PLXNB1: variants seen among roughly 807,000 people sequenced by gnomAD.
PLXNB1 encodes the protein plexin-B1.
Under a neutral mutation model 209.4 loss-of-function variants are expected in PLXNB1, and 106 were observed. The observed-to-expected ratio is 0.51, with a 90% CI of 0.43 to 0.59. The LOEUF is 0.59. Among genes scored for constraint, PLXNB1 ranks in the 20% least tolerant of loss-of-function variants. PLXNB1 has a pLI of 0.00. For missense variants in PLXNB1, 2,357 were observed against 2,853.2 expected (o/e 0.83, Z 3.96); for synonymous variants, 1,167 against 1,183.2 (o/e 0.99, Z 0.28).
At chr3:48,408,624 C>T (rs182062033) in intron 34 of PLXNB1, among the ~76,000 whole-genome samples, 1 of 152,282 alleles carries the variant, frequency 6.6e-6, no homozygotes, top group Admixed American at 6.5e-5. Flanking sequence ...ACTCTCTTCC[C>T]TACTTCCCTA....
At chr3:48,427,932 TG>T (rs1012916880) in intron 1 of PLXNB1, among the ~76,000 whole-genome samples, 68 of 152,306 alleles carry the variant, frequency 4.5e-4, no homozygotes, top group African/African-American at 1.6e-3. Context: ...GAGGCAGGAT[TG>T]CTCTGACCAG....
Position 48,419,262 on chromosome 3 carries a change from C to T in PLXNB1, c.2814G>A (p.Arg938=). The T allele has an allele frequency of 2.5e-6, 4 of 1,587,478 alleles. No individual in the cohort carries two copies. The highest frequency in any genetic ancestry group is 3.4e-6 in the Non-Finnish European group (4 of 1,164,304). ...HVEREIRLLG[R]NLHLFQDGPG... ...CACTGACCTGGAAAAGGTGCAGGTT[C>T]CTGCCTAGCAGCCGGATTTCCCGCT... Residue 938 remains arginine (R), a synonymous_variant, in exon 12 of 38, where the codon AGG becomes AGA. Transcript: ENST00000296440. The surrounding 1 kb of genome is among the most constrained non-coding windows in gnomAD (Gnocchi z 5.7).
At position 48,413,283 on chromosome 3, in the gene PLXNB1, G is replaced by A; in HGVS notation, c.4536-114C>T. ...ATCCAGCACAGTCCAATGCAGCCAT[G>A]CCAGCCAAGCTCAAGCCTAGCCCAG... On this transcript the variant is annotated intron_variant, in intron 23 of 37. Coordinates refer to ENST00000296440, the MANE Select transcript of PLXNB1 (RefSeq NM_001130082.3). The surrounding 1 kb of genome is among the most constrained non-coding windows in gnomAD (Gnocchi z 5.4). 2 of 826,584 alleles carry A rather than the reference G, an allele frequency of 2.4e-6. No individual in the cohort carries two copies. Among genetic ancestry groups the A allele is most frequent in the Non-Finnish European group, 4.0e-6 (2 of 497,766 alleles). 51.2% of individuals were successfully genotyped at this position (826,584 alleles called of 1,614,324 possible). A position where few individuals can be genotyped will look rare whatever the true frequency, so the allele number is the denominator to read the frequency against.
chr3:48,417,892 C>A lies in PLXNB1; in HGVS notation c.3374+19G>T. The A allele has an allele frequency of 6.3e-7, 1 of 1,599,374 alleles. No homozygotes were observed. The highest frequency in any genetic ancestry group is 1.7e-5 in the Admixed American group (1 of 59,218). On this transcript the variant is annotated intron_variant, in intron 16 of 37. Transcript: ENST00000296440. The surrounding 1 kb of genome is among the most constrained non-coding windows in gnomAD (Gnocchi z 4.4). ...GGCCCCAGGCTGCGCCGTGCTCCTG[C>A]TGGGTGCAGCCAGCTTACCTGCTGG...
In PLXNB1 at chr3:48,414,818, C is replaced by A; in HGVS notation, c.4190G>T (p.Gly1397Val). 6.2e-7 allele frequency: 1 copy of A among 1,613,986 alleles called. No homozygotes were observed. The highest frequency in any genetic ancestry group is 8.5e-7 in the Non-Finnish European group (1 of 1,179,964). Reference protein sequence around the residue: ...DPTMPFRHKPGSVFSVEGENL... With the variant: ...DPTMPFRHKPVSVFSVEGENL... ...CTGTACCTCCACGGAGAACACACTC[C>A]CAGGCTTGTGCCGGAATGGCATGGT... is the stretch of plus-strand genomic sequence containing the variant. Residue 1397 changes from glycine (G) to valine (V), a missense_variant, in exon 21 of 38, where the codon GGG (glycine) becomes GTG (valine). Around this residue, in one of 7 missense-constraint regions of PLXNB1, gnomAD observed 743 missense variants for 896.2 expected, o/e 0.83. Coordinates refer to ENST00000296440, the MANE Select transcript of PLXNB1 (RefSeq NM_001130082.3).
rs572764779 is a variant in PLXNB1 at position 48,410,658 on chromosome 3, G to A, written c.5417-100C>T. 3.7e-6 allele frequency: 4 copies of A among 1,089,558 alleles called. No homozygotes were observed. The highest frequency in any genetic ancestry group is 3.1e-5 in the African/African-American group (2 of 64,518). 67.5% of individuals were successfully genotyped at this position (1,089,558 alleles called of 1,614,324 possible). On this transcript the variant is annotated intron_variant, in intron 29 of 37. Transcript: ENST00000296440. This position sits in a 1 kb window ranked among gnomAD's most constrained non-coding sequence, Gnocchi z 6.4. ...CAGGGACACCAGCCCCTCCATCATG[G>A]GGCAGCCTTACTCAACCTCTCCAAA...
chr3:48,423,984 G>T lies in PLXNB1; in HGVS notation c.628C>A (p.Arg210Ser). 6.2e-7 allele frequency: 1 copy of T among 1,613,508 alleles called. No homozygotes were observed. The change falls in exon 3 of 38, where the codon CGC becomes AGC. Residue 210 changes from arginine (R) to serine (S), a missense_variant. Coordinates refer to ENST00000296440, the MANE Select transcript of PLXNB1 (RefSeq NM_001130082.3). ...AAGTGGTGGCTGTACTCGGAGAGGC[G>T]GCCCACTGCCAGCTTGGCTGTCTCC... ...YEETAKLAVGRLSEYSHHFVS... is the reference protein window; with the variant it reads ...YEETAKLAVGSLSEYSHHFVS...
At chr3:48,421,926 C>T in intron 6 of PLXNB1, 120 bp from the exon 7 acceptor site, 1 of 1,448,374 alleles carries the variant, frequency 6.9e-7, no homozygotes. Context: ...GATAGAGGCT[C>T]CTGTGTCTGC....
At position 48,419,485 on chromosome 3, in the gene PLXNB1, C is replaced by T. The variant is rs1201547203; in HGVS notation, c.2709+92G>A. 11 of 1,503,924 alleles carry T rather than the reference C, an allele frequency of 7.3e-6. No homozygotes were observed. The highest frequency in any genetic ancestry group is 1.3e-5 in the South Asian group (1 of 77,524). 93.2% of individuals were successfully genotyped at this position (1,503,924 alleles called of 1,614,324 possible). On this transcript the variant is annotated intron_variant, in intron 11 of 37. Transcript: ENST00000296440. The surrounding 1 kb of genome is among the most constrained non-coding windows in gnomAD (Gnocchi z 5.7). Reference sequence around the variant, plus strand: ...GCTGCAGACTCCACCCTGCCCCTCACCTCCTCCCAGTGCAGAATCACAAGG... The same window carrying T: ...GCTGCAGACTCCACCCTGCCCCTCATCTCCTCCCAGTGCAGAATCACAAGG...
chr3:48,428,679 T>G (rs1379662227), intron 1 of PLXNB1, among the ~76,000 whole-genome samples: 1 of 152,146 alleles, frequency 6.6e-6, no homozygotes, highest in Non-Finnish European at 1.5e-5. Flanking sequence ...GACAGTGCAG[T>G]GGTGCCCGCT....
intron 3 of PLXNB1, 120 bp downstream of exon 3, chr3:48,423,385 G>T: frequency 1.8e-6 from 2 of 1,105,886 alleles, no homozygotes; most frequent in South Asian, 1.5e-5. Flanking sequence ...AATATTTGCT[G>T]ATCTGATCAT....
chr3:48,419,533 C>A lies in PLXNB1; in HGVS notation c.2709+44G>T. On this transcript the variant is annotated intron_variant, in intron 11 of 37. Transcript: ENST00000296440. This position sits in a 1 kb window ranked among gnomAD's most constrained non-coding sequence, Gnocchi z 5.7. ...AGGCAAGCTAGGGGTAGCATCTTCC[C>A]CACATCCCCTCCCCTGAGGCCTCCT... The A allele has an allele frequency of 6.4e-7, 1 of 1,559,198 alleles. No homozygotes were observed. Among genetic ancestry groups the A allele is most frequent in the East Asian group, 2.3e-5 (1 of 44,096 alleles).
In PLXNB1 at chr3:48,416,565, C is replaced by T. The variant is rs1204162990; in HGVS notation, c.3375-114G>A. 3.2e-6 allele frequency: 2 copies of T among 626,928 alleles called. No homozygotes were observed. Among genetic ancestry groups the T allele is most frequent in the Non-Finnish European group, 5.5e-6 (2 of 362,142 alleles). The allele number at this position is 626,928 out of a possible 1,614,324, so 38.8% of individuals were successfully genotyped here. A position where few individuals can be genotyped will look rare whatever the true frequency, so the allele number is the denominator to read the frequency against. The stretch of plus-strand genomic sequence containing the variant: ...AGGTGGTCTTCCCCTTCCCATGCTC[C>T]ATAAGATTGACAGAGACCCTCTCTC... On this transcript the variant is annotated intron_variant, in intron 16 of 37. Coordinates refer to ENST00000296440, the MANE Select transcript of PLXNB1 (RefSeq NM_001130082.3). The surrounding 1 kb of genome is among the most constrained non-coding windows in gnomAD (Gnocchi z 4.1).
Position 48,410,666 on chromosome 3 carries a change from T to C in PLXNB1, c.5417-108A>G. 9.8e-7 allele frequency: 1 copy of C among 1,021,472 alleles called. No individual in the cohort carries two copies. The highest frequency in any genetic ancestry group is 1.5e-6 in the Non-Finnish European group (1 of 674,462). The allele number at this position is 1,021,472 out of a possible 1,614,324, so 63.3% of individuals were successfully genotyped here. On this transcript the variant is annotated intron_variant, in intron 29 of 37. Transcript: ENST00000296440. The surrounding 1 kb of genome is among the most constrained non-coding windows in gnomAD (Gnocchi z 6.4). ...CCAGCCCCTCCATCATGGGGCAGCCTTACTCAACCTCTCCAAAGACCAAGA... is the reference window on the plus strand; with the variant it reads ...CCAGCCCCTCCATCATGGGGCAGCCCTACTCAACCTCTCCAAAGACCAAGA...
In PLXNB1 at chr3:48,409,552, C is replaced by T; in HGVS notation, c.5939+19G>A. 1.2e-6 allele frequency: 2 copies of T among 1,613,636 alleles called. No homozygotes were observed. The highest frequency in any genetic ancestry group is 2.2e-5 in the South Asian group (2 of 91,036). ...AAGACCCCCCACACACACCTAGAGC[C>T]CACCCAGCTCCACCCCACCTGTTGG... On this transcript the variant is annotated intron_variant, in intron 33 of 37. Coordinates refer to ENST00000296440, the MANE Select transcript of PLXNB1 (RefSeq NM_001130082.3). This position sits in a 1 kb window ranked among gnomAD's most constrained non-coding sequence, Gnocchi z 5.8.
In PLXNB1 at chr3:48,405,824, G is replaced by A. The variant is rs201885937; in HGVS notation, c.6229-26C>T. 1 of 1,595,734 alleles carries A rather than the reference G, an allele frequency of 6.3e-7. No individual in the cohort carries two copies. Among genetic ancestry groups the A allele is most frequent in the African/African-American group, 1.3e-5 (1 of 74,702 alleles). On this transcript the variant is annotated intron_variant, in intron 36 of 37. Coordinates refer to ENST00000296440, the MANE Select transcript of PLXNB1 (RefSeq NM_001130082.3). The surrounding 1 kb of genome is among the most constrained non-coding windows in gnomAD (Gnocchi z 5.0). ...CTAGGGAAGAGGCCAAATGAAAGGTGAGAGAGACGAGGGGTGCAGAGAGCC... is the reference window on the plus strand; with the variant it reads ...CTAGGGAAGAGGCCAAATGAAAGGTAAGAGAGACGAGGGGTGCAGAGAGCC...
In PLXNB1 at chr3:48,418,999, C is replaced by T. The variant is rs2038304479; in HGVS notation, c.2873G>A (p.Gly958Asp). 6.2e-7 allele frequency: 1 copy of T among 1,614,076 alleles called. No homozygotes were observed. Among genetic ancestry groups the T allele is most frequent in the African/African-American group, 1.3e-5 (1 of 75,022 alleles). Residue 958 changes from glycine to aspartate, a missense_variant, in exon 13 of 38, where the codon GGC becomes GAC. By Grantham distance (94) the Gly-to-Asp change is moderately conservative. Around this residue, in one of 7 missense-constraint regions of PLXNB1, gnomAD observed 410 missense variants for 401.0 expected, o/e 1.02. Transcript: ENST00000296440. The surrounding 1 kb of genome is among the most constrained non-coding windows in gnomAD (Gnocchi z 6.6). The stretch of plus-strand genomic sequence containing the variant: ...CCGGGCCTCAACCACCACCTCGAGG[C>T]CCTCCAGCTCCATCACACACTCATT... ...GDNECVMELE[G>D]LEVVVEARVE...
chr3:48,422,571 G>C (rs954171848), intron 4 of PLXNB1, 112 bp from the exon 5 acceptor site: 1 of 1,371,574 alleles, frequency 7.3e-7, no homozygotes, highest in African/African-American at 1.5e-5. Context: ...CTCCTAGGCA[G>C]TCACAGGTCA....
At chr3:48,412,126 A>C in intron 27 of PLXNB1, 112 bp downstream of exon 27, 1 of 1,476,000 alleles carries the variant, frequency 6.8e-7, no homozygotes, top group Non-Finnish European at 9.4e-7. Flanking sequence ...CAGGCTGAGC[A>C]GGAGTCTCTG....
Sources: allele counts gnomAD v4.1 joint callset (sites outside exome capture counted in the v4.1 genomes callset), GRCh38; gene constraint gnomAD v4.1.1; regional missense constraint gnomAD v4.1.1; non-coding constraint Gnocchi (gnomAD v3.1); transcripts MANE v1.5; gene names NCBI Gene and HGNC (gene_info 2026-07-23, HGNC 2026-07-21).